IL12RB2: variants seen among roughly 807,000 people sequenced by gnomAD.
IL12RB2 encodes interleukin-12 receptor subunit beta-2.
Under a neutral mutation model 89.4 loss-of-function variants are expected in IL12RB2, and 82 were observed. The observed-to-expected ratio is 0.92, with a 90% CI of 0.77 to 1.10. IL12RB2 has a LOEUF of 1.10. IL12RB2 is among the 50% of genes least tolerant of loss of function. The probability of loss-of-function intolerance (pLI) is 0.00; values close to 1 mark genes in which losing one functional copy is unlikely to be tolerated. For missense variants in IL12RB2, 963 were observed against 1,031.9 expected (o/e 0.93, Z 0.92); for synonymous variants, 368 against 370.1 (o/e 0.99, Z 0.07).
At position 67,397,357 on chromosome 1, in the gene IL12RB2, C is replaced by A. The variant is rs1309081041; in HGVS notation, c.*1268C>A. Among the ~76,000 whole-genome samples the A allele has an allele frequency of 1.3e-5, 2 of 152,054 alleles. No homozygotes were observed. The highest frequency in any genetic ancestry group is 2.4e-5 in the African/African-American group (1 of 41,400). On this transcript the variant is annotated 3_prime_UTR_variant, in exon 17 of 17. Transcript: ENST00000674203. ...GCTCCCTGACCCCTTGTTTCCTCTC[C>A]TTTTTGCTGCAGCAGGCCCTGCCTT... is the stretch of plus-strand genomic sequence containing the variant.
chr1:67,394,079 G>A (rs1666112718), intron 16 of IL12RB2, among the ~76,000 whole-genome samples: 1 of 152,196 alleles, frequency 6.6e-6, no homozygotes, highest in Non-Finnish European at 1.5e-5. Flanking sequence ...GCACACACAA[G>A]CAGGGTGAAG....
intron 8 of IL12RB2, among the ~76,000 whole-genome samples, chr1:67,337,627 T>C (rs1468113811): frequency 2.0e-5 from 3 of 152,230 alleles, no homozygotes; most frequent in African/African-American, 7.2e-5. Flanking sequence ...TAATATCACA[T>C]GATTTGTTCA....
chr1:67,387,091 G>A (rs1665280664), intron 15 of IL12RB2, among the ~76,000 whole-genome samples: 1 of 151,014 alleles, frequency 6.6e-6, no homozygotes, highest in Non-Finnish European at 1.5e-5. Flanking sequence ...ACCATGCCCA[G>A]ATAATTTTTG....
chr1:67,393,385 G>A lies in IL12RB2; in HGVS notation c.2047-2162G>A, dbSNP rs140265467. 4.9e-3 allele frequency among the ~76,000 whole-genome samples: 740 copies of A among 152,316 alleles called. 3 individuals carry two copies. Among genetic ancestry groups the A allele is most frequent in the Non-Finnish European group, 6.3e-3 (432 of 68,032 alleles). On this transcript the variant is annotated intron_variant, in intron 16 of 16. Coordinates refer to ENST00000674203, the MANE Select transcript of IL12RB2 (RefSeq NM_001374259.2). Reference sequence around the variant, plus strand: ...CGAGGACTTGGCAGCCAGAGGGCCCGCTTTGTAAAAGCCGTGAGAGTTGCT... The same window carrying A: ...CGAGGACTTGGCAGCCAGAGGGCCCACTTTGTAAAAGCCGTGAGAGTTGCT...
intron 10 of IL12RB2, among the ~76,000 whole-genome samples, chr1:67,355,145 G>A (rs1230642909): frequency 1.3e-5 from 2 of 152,134 alleles, no homozygotes; most frequent in African/African-American, 2.4e-5. Context: ...CAGGCGCCGT[G>A]GCTCACGCCT....
intron 2 of IL12RB2, among the ~76,000 whole-genome samples, chr1:67,317,833 A>G (rs535005549): frequency 2.0e-4 from 31 of 152,346 alleles, no homozygotes; most frequent in African/African-American, 7.2e-4. Flanking sequence ...CAAGGTAGTC[A>G]ATGTTCCTGC....
intron 4 of IL12RB2, among the ~76,000 whole-genome samples, chr1:67,325,068 A>G (rs1657107249): frequency 6.6e-6 from 1 of 152,254 alleles, no homozygotes; most frequent in Non-Finnish European, 1.5e-5. Flanking sequence ...CAGCTTCTTC[A>G]TCCATTATAT....
intron 10 of IL12RB2, among the ~76,000 whole-genome samples, chr1:67,357,378 AAAAAG>A (rs1008216803): frequency 6.6e-6 from 1 of 152,144 alleles, no homozygotes; most frequent in African/African-American, 2.4e-5. Context: ...ATTCTGTCTC[AAAAAG>A]AAAAGAAAAG....
chr1:67,328,565 G>C (rs1657639869), intron 6 of IL12RB2, among the ~76,000 whole-genome samples, 181 bp downstream of exon 6: 1 of 152,170 alleles, frequency 6.6e-6, no homozygotes, highest in African/African-American at 2.4e-5. Context: ...GCTATCTAAA[G>C]ATGGCTATAC....
intron 10 of IL12RB2, among the ~76,000 whole-genome samples, chr1:67,359,645 C>T (rs1303032614): frequency 6.6e-6 from 1 of 152,140 alleles, no homozygotes; most frequent in South Asian, 2.1e-4. Context: ...TCACTTGAAC[C>T]TGGGAGGTGG....
intron 1 of IL12RB2, among the ~76,000 whole-genome samples, chr1:67,310,184 CA>C (rs890229904): frequency 0.11 from 3,867 of 36,822 alleles, 54 homozygotes; most frequent in African/African-American, 0.24. Context: ...AACTTCATCT[CA>C]AAAAAAAAAA....
At chr1:67,394,540 A>C (rs1199663918) in intron 16 of IL12RB2, among the ~76,000 whole-genome samples, 2 of 152,210 alleles carry the variant, frequency 1.3e-5, no homozygotes, top group African/African-American at 2.4e-5. Context: ...AAATTAGCTA[A>C]AGGCAAAAAA....
chr1:67,351,117 C>A, intron 10 of IL12RB2, 28 bp downstream of exon 10: 1 of 1,609,842 alleles, frequency 6.2e-7, no homozygotes, highest in Non-Finnish European at 8.5e-7. Context: ...TTTAACATTG[C>A]CTGTGGAAAA....
intron 13 of IL12RB2, chr1:67,379,781 T>C (rs1570155574): frequency 2.4e-6 from 1 of 418,306 alleles, no homozygotes; most frequent in East Asian, 3.6e-5. Context: ...ATTTGTTTAA[T>C]ATGCTGTGGA....
At chr1:67,390,376 G>A (rs1665675624) in intron 16 of IL12RB2, among the ~76,000 whole-genome samples, 1 of 150,976 alleles carries the variant, frequency 6.6e-6, no homozygotes, top group Admixed American at 6.6e-5. Flanking sequence ...ACCTCAGTAT[G>A]CCTCACTTTC....
chr1:67,360,516 CA>C (rs1661914681), intron 10 of IL12RB2, among the ~76,000 whole-genome samples: 1 of 151,938 alleles, frequency 6.6e-6, no homozygotes, highest in Non-Finnish European at 1.5e-5. Flanking sequence ...CAGAGTTGGC[CA>C]GGTGCAGTGG....
intron 13 of IL12RB2, among the ~76,000 whole-genome samples, chr1:67,379,509 CA>C (rs58494224): frequency 0.012 from 853 of 68,500 alleles, 2 homozygotes; most frequent in African/African-American, 0.041. Flanking sequence ...GAACCTGTCT[CA>C]AAAAAAAAAA....
At position 67,318,786 on chromosome 1, in the gene IL12RB2, T is replaced by C. The variant is rs77336754; in HGVS notation, c.-36-1547T>C. 1.3e-4 allele frequency among the ~76,000 whole-genome samples: 20 copies of C among 151,918 alleles called. No individual in the cohort carries two copies. In the East Asian group the frequency reaches 3.7e-3, roughly 28 times the overall value. On this transcript the variant is annotated intron_variant, in intron 2 of 16. Transcript: ENST00000674203. Reference sequence around the variant, plus strand: ...GGAGACAGATGGATGAGACTGGAGCTCAGGGGGATGTGTGAGTTGATCTAC... The same window carrying C: ...GGAGACAGATGGATGAGACTGGAGCCCAGGGGGATGTGTGAGTTGATCTAC...
At chr1:67,347,274 C>A (rs1355930481) in intron 9 of IL12RB2, among the ~76,000 whole-genome samples, 3 of 152,132 alleles carry the variant, frequency 2.0e-5, no homozygotes, top group African/African-American at 7.2e-5. Flanking sequence ...AGATTATAGA[C>A]CCTCTTCTTT....
Sources: gnomAD v4.1 joint callset for allele counts (sites outside exome capture counted in the v4.1 genomes callset) on GRCh38, gnomAD v4.1.1 for gene constraint, MANE v1.5 for transcripts, NCBI Gene and HGNC (gene_info 2026-07-23, HGNC 2026-07-21) for gene names.